QPRT: variants seen among roughly 807,000 people sequenced by gnomAD.
The protein encoded by QPRT is nicotinate-nucleotide pyrophosphorylase [carboxylating].
In QPRT, 17 loss-of-function variants were observed where a neutral mutation model predicts 19.8. The ratio of observed to expected loss-of-function variants is 0.86; its 90% CI spans 0.59 to 1.29. The LOEUF (loss-of-function observed/expected upper bound fraction) is 1.29, where lower values mean the gene tolerates loss of function less well. QPRT is among the 50% of genes most tolerant of loss of function. The pLI is 0.00. For synonymous variants in QPRT, 178 were observed against 191.0 expected (o/e 0.93, Z 0.56); for missense variants, 336 against 405.1 (o/e 0.83, Z 1.46).
chr16:29,691,777 T>A (rs1967342603), intron 1 of QPRT, among the ~76,000 whole-genome samples: 1 of 151,896 alleles, frequency 6.6e-6, no homozygotes, highest in Non-Finnish European at 1.5e-5. Flanking sequence ...TATAGCTAGC[T>A]CTTAGTGGAG....
rs192401034 is a variant in QPRT at position 29,691,935 on chromosome 16, C to G, written c.14-2729C>G. ...TTTGGGGAAGTAGACAAGAGAGGGCCCTCTTTGGAGAGCGGAGCAAGCCAG... is the reference window on the plus strand; with the variant it reads ...TTTGGGGAAGTAGACAAGAGAGGGCGCTCTTTGGAGAGCGGAGCAAGCCAG... On this transcript the variant is annotated intron_variant, in intron 1 of 3. Coordinates refer to ENST00000395384, the MANE Select transcript of QPRT (RefSeq NM_014298.6). Among the ~76,000 whole-genome samples the G allele has an allele frequency of 2.6e-5, 4 of 152,250 alleles. No homozygotes were observed. In the East Asian group the frequency reaches 7.7e-4, roughly 29 times the overall value.
Position 29,692,308 on chromosome 16 carries a change from C to T in QPRT, c.14-2356C>T, listed in dbSNP as rs557986249. Among the ~76,000 whole-genome samples the T allele has an allele frequency of 2.0e-5, 3 of 152,180 alleles. No homozygotes were observed. In the South Asian group the frequency reaches 6.2e-4, roughly 32 times the overall value. On this transcript the variant is annotated intron_variant, in intron 1 of 3. Coordinates refer to ENST00000395384, the MANE Select transcript of QPRT (RefSeq NM_014298.6). The stretch of plus-strand genomic sequence containing the variant: ...TTTAAGTGTGGGTACTGGCCGGGCG[C>T]GGTGGCTCACGCCTGTAATCCCAGC...
At chr16:29,696,881 C>T (rs1313912371) in intron 2 of QPRT, 115 bp from the exon 3 acceptor site, 7 of 1,273,286 alleles carry the variant, frequency 5.5e-6, no homozygotes, top group East Asian at 2.6e-5. Flanking sequence ...CCCGGCTCCC[C>T]GCGCCCCAGC....
chr16:29,695,218 C>T lies in QPRT; in HGVS notation c.549+19C>T. 2 of 1,514,624 alleles carry T rather than the reference C, an allele frequency of 1.3e-6. No homozygotes were observed. The highest frequency in any genetic ancestry group is 1.8e-6 in the Non-Finnish European group (2 of 1,128,466). The allele number at this position is 1,514,624 out of a possible 1,614,324, so 93.8% of individuals were successfully genotyped here. A position where few individuals can be genotyped will look rare whatever the true frequency, so the allele number is the denominator to read the frequency against. ...GGAGAAGGTGCTGGTCCTGCCTGTCCCTGGTCCAACCCCACCCTCAGCACA... is the reference window on the plus strand; with the variant it reads ...GGAGAAGGTGCTGGTCCTGCCTGTCTCTGGTCCAACCCCACCCTCAGCACA... On this transcript the variant is annotated intron_variant, in intron 2 of 3. Transcript: ENST00000395384.
At chr16:29,690,232 A>G (rs1967286152) in intron 1 of QPRT, among the ~76,000 whole-genome samples, 1 of 152,236 alleles carries the variant, frequency 6.6e-6, no homozygotes, top group Admixed American at 6.5e-5. Context: ...GCTGCATAGT[A>G]TTCCACGGTG....
At chr16:29,695,816 T>TC in intron 2 of QPRT, 1 of 148,996 alleles carries the variant, frequency 6.7e-6, no homozygotes, top group Non-Finnish European at 1.4e-5. Context: ...TTTTTTTTTT[T>TC]TGAGATGGGG....
chr16:29,688,731 G>T (rs908583583), intron 1 of QPRT, among the ~76,000 whole-genome samples: 3 of 151,140 alleles, frequency 2.0e-5, no homozygotes, highest in Admixed American at 2.0e-4. Context: ...TGTTGGACAG[G>T]CTGGTCTTGA....
At chr16:29,692,878 T>G (rs1310303726) in intron 1 of QPRT, among the ~76,000 whole-genome samples, 33 of 151,564 alleles carry the variant, frequency 2.2e-4, no homozygotes, top group Admixed American at 2.2e-3. Flanking sequence ...CTGGCCAACA[T>G]GGTGAAACCC....
rs778374830 is a variant in QPRT, at chr16:29,694,764, G to A, written c.114G>A (p.Gly38=). ...TCAACTACGCAGCCTTGGTCAGCGG[G>A]GCAGGCCCCTCGCAGGCGGCGCTGT... is the stretch of plus-strand genomic sequence containing the variant. The part of the protein sequence containing the change: ...PGLNYAALVS[G]AGPSQAALWA... The change falls in exon 2 of 4, where the codon GGG becomes GGA. Residue 38 remains glycine, a synonymous_variant. Coordinates refer to ENST00000395384, the MANE Select transcript of QPRT (RefSeq NM_014298.6). The A allele has an allele frequency of 6.2e-7, 1 of 1,613,266 alleles. No individual in the cohort carries two copies. Among genetic ancestry groups the A allele is most frequent in the African/African-American group, 1.3e-5 (1 of 74,930 alleles).
intron 1 of QPRT, among the ~76,000 whole-genome samples, chr16:29,686,920 A>T (rs1967179316): frequency 6.6e-6 from 1 of 152,172 alleles, no homozygotes; most frequent in Non-Finnish European, 1.5e-5. Context: ...TCTCTGACAC[A>T]TCCTCATTGA....
chr16:29,682,370 G>A (rs1485056905), intron 1 of QPRT, among the ~76,000 whole-genome samples: 4 of 151,708 alleles, frequency 2.6e-5, no homozygotes, highest in Non-Finnish European at 5.9e-5. Context: ...ATCTCAGCAT[G>A]TTTTCTTTCT....
intron 1 of QPRT, among the ~76,000 whole-genome samples, chr16:29,686,539 C>T (rs1967166857): frequency 6.6e-6 from 1 of 152,226 alleles, no homozygotes; most frequent in South Asian, 2.1e-4. Context: ...CTCTGTCGCC[C>T]AGGCTGGAGT....
chr16:29,694,529 T>C (rs1394321290), intron 1 of QPRT, 135 bp from the exon 2 acceptor site: 4 of 742,998 alleles, frequency 5.4e-6, no homozygotes, highest in Admixed American at 3.7e-5. Flanking sequence ...CTCACCGCAG[T>C]CCCCCCCCTG....
At chr16:29,682,254 T>C (rs1206082191) in intron 1 of QPRT, among the ~76,000 whole-genome samples, 1 of 151,524 alleles carries the variant, frequency 6.6e-6, no homozygotes, top group Non-Finnish European at 1.5e-5. Context: ...CCCAGGCTGG[T>C]CTCAAACTCC....
chr16:29,686,670 T>C (rs1456743491), intron 1 of QPRT, among the ~76,000 whole-genome samples: 1 of 152,054 alleles, frequency 6.6e-6, no homozygotes, highest in Non-Finnish European at 1.5e-5. Flanking sequence ...TAATTTTTTT[T>C]ATTTTTTGTA....
intron 1 of QPRT, among the ~76,000 whole-genome samples, chr16:29,688,405 GA>G (rs2142303044): frequency 6.6e-6 from 1 of 152,274 alleles, no homozygotes; most frequent in South Asian, 2.1e-4. Context: ...GGACGATGCA[GA>G]GGTGAACACG....
intron 1 of QPRT, among the ~76,000 whole-genome samples, chr16:29,690,569 C>T (rs1426637138): frequency 2.4e-4 from 36 of 152,034 alleles, no homozygotes. Context: ...TTGCTCTGTG[C>T]CTATAGTTTT....
rs866890994 is a variant in QPRT at position 29,697,336 on chromosome 16, C to A, written c.819C>A (p.Thr273=). 7 of 1,614,014 alleles carry A rather than the reference C, an allele frequency of 4.3e-6. No individual in the cohort carries two copies. In the Admixed American group the frequency reaches 6.7e-5, roughly 15 times the overall value. ...ACGTCATCTCCATGGGGATGCTGAC[C>A]CAGGCGGCCCCAGCCCTTGATTTCT... is the stretch of plus-strand genomic sequence containing the variant. ...HIDVISMGML[T]QAAPALDFSL... Residue 273 remains threonine (T), a synonymous_variant, in exon 4 of 4, where the codon ACC becomes ACA. Coordinates refer to ENST00000395384, the MANE Select transcript of QPRT (RefSeq NM_014298.6). The surrounding 1 kb of genome is among the most constrained non-coding windows in gnomAD (Gnocchi z 4.4).
At chr16:29,684,605 C>G (rs1486306274) in intron 1 of QPRT, among the ~76,000 whole-genome samples, 1 of 152,164 alleles carries the variant, frequency 6.6e-6, no homozygotes, top group Non-Finnish European at 1.5e-5. Flanking sequence ...CCTCGGCCTC[C>G]CAAAGCGCTG....
Sources: gnomAD v4.1 joint callset for allele counts (sites outside exome capture counted in the v4.1 genomes callset) on GRCh38, gnomAD v4.1.1 for gene constraint, Gnocchi (gnomAD v3.1) non-coding constraint, MANE v1.5 for transcripts, NCBI Gene and HGNC (gene_info 2026-07-23, HGNC 2026-07-21) for gene names.